Variants in OPCML observed in about 807,000 individuals in gnomAD.
OPCML encodes the protein opioid-binding protein/cell adhesion molecule.
A neutral mutation model predicts 37.8 loss-of-function variants in OPCML; 13 were observed. The observed-to-expected ratio is 0.34, with a 90% CI of 0.22 to 0.55. The LOEUF is 0.55. Ranked by LOEUF, OPCML falls within the 20% of genes least tolerant of loss-of-function variation. The pLI, the probability that OPCML is intolerant of heterozygous loss-of-function variation, is 0.91. For synonymous variants in OPCML, 176 were observed against 168.8 expected (o/e 1.04, Z -0.33); for missense variants, 341 against 435.6 (o/e 0.78, Z 1.93).
chr11:132,424,583 C>T (rs1336798557), intron 7 of OPCML, among the ~76,000 whole-genome samples: 5 of 152,156 alleles, frequency 3.3e-5, no homozygotes, highest in Admixed American at 6.5e-5. Context: ...TACGCTCCCC[C>T]GGGGTAAGGT....
chr11:132,914,178 A>G (rs899788113), intron 2 of OPCML, among the ~76,000 whole-genome samples: 3 of 152,182 alleles, frequency 2.0e-5, no homozygotes, highest in African/African-American at 7.2e-5. Context: ...TCACAAAAGA[A>G]GTGTCTGTTC....
intron 1 of OPCML, among the ~76,000 whole-genome samples, chr11:133,105,139 T>C (rs890262268): frequency 2.0e-5 from 3 of 152,204 alleles, no homozygotes; most frequent in Admixed American, 6.5e-5. Context: ...CAATAAACTT[T>C]ACGCTTGCTG....
chr11:133,224,936 C>G (rs1317877137), intron 1 of OPCML, among the ~76,000 whole-genome samples: 1 of 152,166 alleles, frequency 6.6e-6, no homozygotes, highest in Non-Finnish European at 1.5e-5. Context: ...CCCTCCATCC[C>G]AAGCTCAGAG....
At chr11:132,552,289 A>T (rs1227819355) in intron 3 of OPCML, among the ~76,000 whole-genome samples, 1 of 152,246 alleles carries the variant, frequency 6.6e-6, no homozygotes, top group African/African-American at 2.4e-5. Context: ...CTGGTAAGAC[A>T]TTACATGAGA....
At chr11:133,170,924 C>T (rs541188532) in intron 1 of OPCML, among the ~76,000 whole-genome samples, 2 of 152,318 alleles carry the variant, frequency 1.3e-5, no homozygotes, top group African/African-American at 4.8e-5. Context: ...TGGACTCAGA[C>T]TCCCTGGGGA....
chr11:132,457,732 G>T (rs2096087322), intron 4 of OPCML, among the ~76,000 whole-genome samples: 1 of 152,122 alleles, frequency 6.6e-6, no homozygotes, highest in South Asian at 2.1e-4. Context: ...CCCAATTCAG[G>T]GCTAAAGCAC....
At chr11:133,482,885 G>T (rs1428605013) in intron 1 of OPCML, among the ~76,000 whole-genome samples, 3 of 151,826 alleles carry the variant, frequency 2.0e-5, no homozygotes, top group African/African-American at 7.3e-5. Flanking sequence ...TTAAACAAAC[G>T]CCCAAAATGT....
At chr11:133,389,133 T>C (rs1000743184) in intron 1 of OPCML, among the ~76,000 whole-genome samples, 1 of 152,218 alleles carries the variant, frequency 6.6e-6, no homozygotes, top group African/African-American at 2.4e-5. Context: ...AGACAACAGC[T>C]TACTAAGGAG....
intron 1 of OPCML, among the ~76,000 whole-genome samples, chr11:133,430,470 CACTT>C (rs990184131): frequency 5.3e-5 from 8 of 152,214 alleles, no homozygotes; most frequent in South Asian, 2.1e-4. Context: ...AATATTAAAA[CACTT>C]ACAGACAATA....
intron 1 of OPCML, among the ~76,000 whole-genome samples, chr11:133,215,184 C>T (rs497471): frequency 0.76 from 115,116 of 152,020 alleles, 43,950 homozygotes; most frequent in African/African-American, 0.85. Flanking sequence ...AGAAAGGTCA[C>T]ATTTTAAGAG....
chr11:132,667,065 A>G lies in OPCML; in HGVS notation c.147-9746T>C, dbSNP rs529254389. On this transcript the variant is annotated intron_variant, in intron 2 of 7. Transcript: ENST00000524381. ...GGAAGGAGTCATCAGAGAATCAGGC[A>G]TGAGATGTTGATGAAAAGTTTGCAG... Among the ~76,000 whole-genome samples, 498 of 152,336 alleles carry G rather than the reference A, an allele frequency of 3.3e-3. 2 individuals carry two copies. Among genetic ancestry groups the G allele is most frequent in the Non-Finnish European group, 5.2e-3 (357 of 68,030 alleles).
chr11:133,283,008 C>T lies in OPCML; in HGVS notation c.61+249256G>A, dbSNP rs574577925. On this transcript the variant is annotated intron_variant, in intron 1 of 7. Coordinates refer to ENST00000524381, the MANE Select transcript of OPCML (RefSeq NM_001012393.5). ...AAATAACTTCGTTTGATTTTATAGG[C>T]TCATAGGCAGAAGAAGATAAGTCTC... 6.6e-5 allele frequency among the ~76,000 whole-genome samples: 10 copies of T among 152,216 alleles called. No individual in the cohort carries two copies. The East Asian group carries it at 1.9e-3, about 29-fold the overall frequency.
At chr11:133,142,888 AC>A (rs1229432704) in intron 1 of OPCML, among the ~76,000 whole-genome samples, 1 of 151,910 alleles carries the variant, frequency 6.6e-6, no homozygotes, top group Non-Finnish European at 1.5e-5. Context: ...TGGGCAAAGA[AC>A]TCCAAGTGCC....
chr11:133,010,667 T>C (rs1177460028), intron 1 of OPCML, among the ~76,000 whole-genome samples: 1 of 152,094 alleles, frequency 6.6e-6, no homozygotes, highest in Admixed American at 6.5e-5. Context: ...AATAAAGATA[T>C]AAAAAGCATA....
intron 1 of OPCML, among the ~76,000 whole-genome samples, chr11:133,188,556 T>A (rs1286368217): frequency 6.6e-6 from 1 of 152,166 alleles, no homozygotes; most frequent in Non-Finnish European, 1.5e-5. Context: ...AGATGTCTTC[T>A]AAGTGAACCA....
chr11:133,048,548 C>A (rs1211366892), intron 1 of OPCML, among the ~76,000 whole-genome samples: 2 of 152,178 alleles, frequency 1.3e-5, no homozygotes, highest in Non-Finnish European at 2.9e-5. Context: ...GTTAATTAAT[C>A]TTGTGACTTT....
intron 2 of OPCML, among the ~76,000 whole-genome samples, chr11:132,740,562 A>T (rs1048932197): frequency 2.0e-5 from 3 of 152,186 alleles, no homozygotes; most frequent in Non-Finnish European, 2.9e-5. Context: ...CCCTCTCAGT[A>T]TAATTTATTA....
intron 1 of OPCML, among the ~76,000 whole-genome samples, chr11:132,945,720 C>T (rs1383271010): frequency 6.6e-6 from 1 of 150,900 alleles, no homozygotes; most frequent in Non-Finnish European, 1.5e-5. Context: ...AAAACACAAA[C>T]ACGTTGTACA....
At chr11:133,531,989 C>G (rs1948615737) in intron 1 of OPCML, 2 of 161,802 alleles carry the variant, frequency 1.2e-5, no homozygotes, top group Non-Finnish European at 2.6e-5. Flanking sequence ...TTCACTGAAA[C>G]AGCAGTGCCT....
Sources: gnomAD v4.1 joint callset for allele counts (sites outside exome capture counted in the v4.1 genomes callset) on GRCh38, gnomAD v4.1.1 for gene constraint, MANE v1.5 for transcripts, NCBI Gene and HGNC (gene_info 2026-07-23, HGNC 2026-07-21) for gene names.